Variants in GRIN2B observed in about 807,000 individuals in gnomAD.
The protein encoded by GRIN2B is glutamate ionotropic receptor NMDA type subunit 2B, also known as glutamate receptor ionotropic, NMDA 2B.
Under a neutral mutation model 114.5 loss-of-function variants are expected in GRIN2B, and 5 were observed. The ratio of observed to expected loss-of-function variants is 0.04; its 90% CI spans 0.02 to 0.09. GRIN2B has a LOEUF of 0.09. Ranked by LOEUF, GRIN2B falls within the 10% of genes least tolerant of loss-of-function variation. The pLI, the probability that GRIN2B is intolerant of heterozygous loss-of-function variation, is 1.00. For synonymous variants in GRIN2B, 787 were observed against 745.1 expected (o/e 1.06, Z -0.92); for missense variants, 1,108 against 1,943.5 (o/e 0.57, Z 8.08).
intron 2 of GRIN2B, among the ~76,000 whole-genome samples, chr12:13,965,951 A>C (rs1867784205): frequency 6.6e-6 from 1 of 152,194 alleles, no homozygotes; most frequent in African/African-American, 2.4e-5. Flanking sequence ...TTATCCGAGC[A>C]GGATCCCTCC....
At chr12:13,862,115 A>G (rs1865762086) in intron 3 of GRIN2B, among the ~76,000 whole-genome samples, 1 of 152,184 alleles carries the variant, frequency 6.6e-6, no homozygotes, top group Non-Finnish European at 1.5e-5. Context: ...CTACTCAGCT[A>G]GCCCCCGTGC....
At chr12:13,589,716 T>C (rs1404744924) in intron 10 of GRIN2B, among the ~76,000 whole-genome samples, 1 of 152,194 alleles carries the variant, frequency 6.6e-6, no homozygotes, top group Non-Finnish European at 1.5e-5. Context: ...ATACACAGGA[T>C]AAGTCACATT....
Position 13,564,764 on chromosome 12 carries a change from T to TAATA in GRIN2B, c.2599-129_2599-126dup, listed in dbSNP as rs1948616421. On this transcript the variant is annotated intron_variant, in intron 13 of 13. Coordinates refer to ENST00000609686, the MANE Select transcript of GRIN2B (RefSeq NM_000834.5). This position sits in a 1 kb window ranked among gnomAD's most constrained non-coding sequence, Gnocchi z 4.8. ...AAGGGAAAGCATGAAGCGAATAGTC[T>TAATA]AATATACTATTAGATGTGGCTAGAA... is the stretch of plus-strand genomic sequence containing the variant. The TAATA allele has an allele frequency of 1.1e-6, 1 of 886,912 alleles. No individual in the cohort carries two copies. The highest frequency in any genetic ancestry group is 1.9e-6 in the Non-Finnish European group (1 of 536,804). 54.9% of individuals were successfully genotyped at this position (886,912 alleles called of 1,614,324 possible).
intron 10 of GRIN2B, among the ~76,000 whole-genome samples, chr12:13,593,841 A>G (rs1023102377): frequency 6.6e-6 from 1 of 152,164 alleles, no homozygotes; most frequent in Non-Finnish European, 1.5e-5. Flanking sequence ...AAAACAAACA[A>G]CACCATCAAA....
At chr12:13,616,775 C>T (rs1949448844) in intron 5 of GRIN2B, 118 bp from the exon 6 acceptor site, 1 of 787,958 alleles carries the variant, frequency 1.3e-6, no homozygotes, top group Non-Finnish European at 2.3e-6. Flanking sequence ...CAAGTGCCAA[C>T]ATTGTACATA....
chr12:13,861,425 T>C (rs1202623221), intron 3 of GRIN2B, among the ~76,000 whole-genome samples: 1 of 152,234 alleles, frequency 6.6e-6, no homozygotes, highest in Non-Finnish European at 1.5e-5. Context: ...GTTCATTATT[T>C]GGATTCAGAT....
intron 4 of GRIN2B, among the ~76,000 whole-genome samples, chr12:13,700,450 T>C (rs2268111): frequency 0.043 from 6,539 of 152,272 alleles, 242 homozygotes; most frequent in East Asian, 0.17. Context: ...TCTACTTCTA[T>C]CTTCCCCCAT....
chr12:13,943,801 A>G (rs1867310502), intron 2 of GRIN2B, among the ~76,000 whole-genome samples: 1 of 152,054 alleles, frequency 6.6e-6, no homozygotes, highest in South Asian at 2.1e-4. Context: ...CCTCACCTAT[A>G]GTCCATTTTA....
chr12:13,593,261 A>G (rs1386452641), intron 10 of GRIN2B, among the ~76,000 whole-genome samples: 1 of 152,212 alleles, frequency 6.6e-6, no homozygotes, highest in East Asian at 1.9e-4. Context: ...AAAAGAACAA[A>G]GCTGGAGGCA....
intron 4 of GRIN2B, among the ~76,000 whole-genome samples, chr12:13,682,569 C>T (rs1950141045): frequency 1.3e-5 from 2 of 152,132 alleles, no homozygotes; most frequent in Admixed American, 6.5e-5. Context: ...GTTCATATCA[C>T]AGTTATTTAA....
At chr12:13,591,315 G>C (rs930505141) in intron 10 of GRIN2B, among the ~76,000 whole-genome samples, 4 of 152,198 alleles carry the variant, frequency 2.6e-5, no homozygotes, top group Admixed American at 2.6e-4. Flanking sequence ...TAGAAACAGC[G>C]TGGGCTTTGT....
intron 4 of GRIN2B, among the ~76,000 whole-genome samples, chr12:13,749,549 T>G (rs2136624839): frequency 6.6e-6 from 1 of 152,350 alleles, no homozygotes; most frequent in South Asian, 2.1e-4. Flanking sequence ...AAAGTCATCC[T>G]TATAAAACAA....
At chr12:13,936,641 A>T (rs936500413) in intron 2 of GRIN2B, among the ~76,000 whole-genome samples, 3 of 152,204 alleles carry the variant, frequency 2.0e-5, no homozygotes, top group African/African-American at 7.2e-5. Flanking sequence ...ATTATCCAAA[A>T]TGCCCAGTAT....
chr12:13,758,525 GAA>G (rs1272608513), intron 3 of GRIN2B, among the ~76,000 whole-genome samples: 1 of 152,188 alleles, frequency 6.6e-6, no homozygotes. Context: ...CTCAATATAA[GAA>G]ATGCATTTGC....
intron 4 of GRIN2B, among the ~76,000 whole-genome samples, chr12:13,685,942 G>A (rs745480634): frequency 2.0e-5 from 3 of 152,198 alleles, no homozygotes; most frequent in East Asian, 1.9e-4. Flanking sequence ...CAGTAGGGTT[G>A]GTTTTAAGGG....
chr12:13,705,348 G>C (rs754502499), intron 4 of GRIN2B, among the ~76,000 whole-genome samples: 1 of 152,120 alleles, frequency 6.6e-6, no homozygotes, highest in Non-Finnish European at 1.5e-5. Context: ...CACTCTAAGA[G>C]ACACTAGAGG....
intron 3 of GRIN2B, among the ~76,000 whole-genome samples, chr12:13,777,541 G>A (rs945726373): frequency 6.6e-6 from 1 of 152,202 alleles, no homozygotes; most frequent in African/African-American, 2.4e-5. Flanking sequence ...CCTGGGAGGA[G>A]GCAGGGCTGC....
chr12:13,920,868 T>C (rs891305930), intron 2 of GRIN2B, among the ~76,000 whole-genome samples: 4 of 152,128 alleles, frequency 2.6e-5, no homozygotes, highest in African/African-American at 9.7e-5. Context: ...GTATTAAATT[T>C]CCTCTTCAAA....
At chr12:13,879,172 T>G (rs73296776) in intron 2 of GRIN2B, among the ~76,000 whole-genome samples, 2,064 of 152,274 alleles carry the variant, frequency 0.014, 44 homozygotes, top group African/African-American at 0.048. Context: ...TTCATCATGG[T>G]GCAAACACTA....
Sources: allele counts gnomAD v4.1 joint callset (sites outside exome capture counted in the v4.1 genomes callset), GRCh38; gene constraint gnomAD v4.1.1; non-coding constraint Gnocchi (gnomAD v3.1); transcripts MANE v1.5; gene names NCBI Gene and HGNC (gene_info 2026-07-23, HGNC 2026-07-21).